The following TTLL1 variants were observed in gnomAD, a reference collection of about 807,000 sequenced individuals.
The protein encoded by TTLL1 is polyglutamylase complex subunit TTLL1.
A neutral mutation model predicts 47.8 loss-of-function variants in TTLL1; 33 were observed. The observed-to-expected ratio is 0.69, with a 90% confidence interval of 0.52 to 0.92. TTLL1 has a LOEUF of 0.92. Ranked by LOEUF, TTLL1 falls within the 40% of genes least tolerant of loss-of-function variation. TTLL1 has a pLI of 0.00. For synonymous variants in TTLL1, 225 were observed against 214.1 expected (o/e 1.05, Z -0.45); for missense variants, 488 against 547.5 (o/e 0.89, Z 1.08).
intron 3 of TTLL1, among the ~76,000 whole-genome samples, chr22:43,075,120 G>A (rs185644497): frequency 3.3e-5 from 5 of 152,086 alleles, no homozygotes; most frequent in African/African-American, 4.8e-5. Flanking sequence ...AGCTGAGATC[G>A]CACCATTGCA....
At chr22:43,064,990 A>G (rs1325411388) in intron 5 of TTLL1, among the ~76,000 whole-genome samples, 1 of 151,980 alleles carries the variant, frequency 6.6e-6, no homozygotes, top group Non-Finnish European at 1.5e-5. Flanking sequence ...TACTAAAAAT[A>G]CAAAAATAGC....
At chr22:43,067,226 C>T (rs922565451) in intron 5 of TTLL1, among the ~76,000 whole-genome samples, 1 of 152,200 alleles carries the variant, frequency 6.6e-6, no homozygotes, top group Admixed American at 6.5e-5. Flanking sequence ...CTGTGCCCAT[C>T]GGCTGTGCCC....
intron 5 of TTLL1, among the ~76,000 whole-genome samples, chr22:43,066,749 G>A (rs906380208): frequency 6.6e-6 from 1 of 151,822 alleles, no homozygotes; most frequent in African/African-American, 2.4e-5. Context: ...TAGCACTTTG[G>A]GAGGCCAAGG....
At chr22:43,073,883 G>A (rs922941052) in intron 3 of TTLL1, among the ~76,000 whole-genome samples, 4 of 150,948 alleles carry the variant, frequency 2.6e-5, no homozygotes, top group Admixed American at 6.6e-5. Flanking sequence ...GTGCAGTGGC[G>A]CGATCTCAGC....
chr22:43,048,812 C>T (rs1926364167), intron 9 of TTLL1, among the ~76,000 whole-genome samples: 1 of 151,926 alleles, frequency 6.6e-6, no homozygotes, highest in East Asian at 1.9e-4. Flanking sequence ...TGGCAGTTAC[C>T]TGTAATCCCA....
At chr22:43,061,162 C>CCTGGCTGG (rs1927366476) in intron 7 of TTLL1, among the ~76,000 whole-genome samples, 1 of 152,142 alleles carries the variant, frequency 6.6e-6, no homozygotes, top group African/African-American at 2.4e-5. Context: ...TGTACTCCAG[C>CCTGGCTGG]GTGGGTGACA....
intron 10 of TTLL1, among the ~76,000 whole-genome samples, chr22:43,042,370 C>T (rs1463371145): frequency 6.6e-6 from 1 of 152,242 alleles, no homozygotes; most frequent in Non-Finnish European, 1.5e-5. Flanking sequence ...CGAGCCAACG[C>T]AGAGGAGAAT....
intron 7 of TTLL1, among the ~76,000 whole-genome samples, chr22:43,060,778 G>A (rs570461745): frequency 5.9e-5 from 9 of 152,306 alleles, no homozygotes; most frequent in Non-Finnish European, 1.2e-4. Flanking sequence ...GTATTACATT[G>A]TTAGGAGACT....
At chr22:43,088,497 C>T (rs1216928353) in intron 1 of TTLL1, among the ~76,000 whole-genome samples, 4 of 97,584 alleles carry the variant, frequency 4.1e-5, no homozygotes, top group African/African-American at 1.5e-4. Context: ...CCACCATGCC[C>T]GGCTAATTTT....
chr22:43,085,672 G>C (rs1929185513), intron 1 of TTLL1, among the ~76,000 whole-genome samples: 1 of 152,110 alleles, frequency 6.6e-6, no homozygotes, highest in African/African-American at 2.4e-5. Context: ...CCCAGTTTTG[G>C]GTATGTCTTT....
chr22:43,058,093 A>G (rs1927144378), intron 8 of TTLL1, among the ~76,000 whole-genome samples: 1 of 151,668 alleles, frequency 6.6e-6, no homozygotes, highest in South Asian at 2.1e-4. Context: ...ACAGGCGCCC[A>G]CTACCACGCC....
intron 1 of TTLL1, among the ~76,000 whole-genome samples, chr22:43,088,691 T>A (rs1332814852): frequency 6.6e-6 from 1 of 152,094 alleles, no homozygotes; most frequent in Non-Finnish European, 1.5e-5. Flanking sequence ...AATGTGCTCA[T>A]CAAACGTTTC....
chr22:43,049,991 G>A (rs1926479550), intron 9 of TTLL1, among the ~76,000 whole-genome samples: 1 of 152,150 alleles, frequency 6.6e-6, no homozygotes, highest in South Asian at 2.1e-4. Flanking sequence ...AGCTACTCCA[G>A]GAGGCTGAGG....
Position 43,089,269 on chromosome 22 carries a change from G to T in TTLL1, c.-90+8C>A. On this transcript the variant is annotated splice_region_variant and intron_variant, in intron 1 of 10. Coordinates refer to ENST00000266254, the MANE Select transcript of TTLL1 (RefSeq NM_012263.5). ...CGGGAGGCGGCGGCCTGGGGGACAG[G>T]ACCTCACCTGTGGGCTCAGAGCGCC... 6.6e-6 allele frequency: 1 copy of T among 152,514 alleles called. No individual in the cohort carries two copies. Among genetic ancestry groups the T allele is most frequent in the Non-Finnish European group, 1.5e-5 (1 of 68,220 alleles). The allele number at this position is 152,514 out of a possible 1,614,324, so 9.4% of individuals were successfully genotyped here.
intron 10 of TTLL1, 27 bp from the exon 11 acceptor site, chr22:43,039,932 G>A (rs770786184): frequency 6.8e-6 from 11 of 1,607,644 alleles, no homozygotes; most frequent in East Asian, 6.7e-5. Flanking sequence ...CCAGGATCAC[G>A]GCAGGCTCTC....
intron 2 of TTLL1, among the ~76,000 whole-genome samples, chr22:43,076,998 G>A (rs996537999): frequency 2.6e-5 from 4 of 152,004 alleles, no homozygotes; most frequent in African/African-American, 9.7e-5. Flanking sequence ...CTACTTGGGA[G>A]GCTGAGGCAG....
At position 43,059,488 on chromosome 22, in the gene TTLL1, T is replaced by C; in HGVS notation, c.787A>G (p.Ser263Gly). ...CTCTCCAGGTAGAGCCGCAGGTTAC[T>C]CACTGTCCACTTGCCCCCATGGATG... ...NHIHGGKWTV[S>G]NLRLYLESTR... The change falls in exon 8 of 11, where the codon AGT becomes GGT. Residue 263 changes from serine to glycine, a missense_variant. Transcript: ENST00000266254. 1 of 1,613,890 alleles carries C rather than the reference T, an allele frequency of 6.2e-7. No homozygotes were observed. The highest frequency in any genetic ancestry group is 1.3e-5 in the African/African-American group (1 of 75,038).
intron 9 of TTLL1, 75 bp from the exon 10 acceptor site, chr22:43,046,648 A>G: frequency 6.5e-7 from 1 of 1,534,880 alleles, no homozygotes; most frequent in South Asian, 1.2e-5. Flanking sequence ...CTGCAGAAGG[A>G]GATGCTGGCT....
At chr22:43,042,200 T>C (rs1347067227) in intron 10 of TTLL1, among the ~76,000 whole-genome samples, 1 of 152,162 alleles carries the variant, frequency 6.6e-6, no homozygotes, top group African/African-American at 2.4e-5. Context: ...TGGATAGGAA[T>C]CTACTGAATG....
Sources: allele counts gnomAD v4.1 joint callset (sites outside exome capture counted in the v4.1 genomes callset), GRCh38; gene constraint gnomAD v4.1.1; transcripts MANE v1.5; gene names NCBI Gene and HGNC (gene_info 2026-07-23, HGNC 2026-07-21).